The following TET3 variants were observed in gnomAD, a reference collection of about 807,000 sequenced individuals.
TET3 encodes the protein tet methylcytosine dioxygenase 3, also known as methylcytosine dioxygenase TET3.
A neutral mutation model predicts 141.4 loss-of-function variants in TET3; 19 were observed. The observed-to-expected ratio is 0.13, with a 90% CI of 0.09 to 0.20. The LOEUF is 0.20. Among genes scored for constraint, TET3 ranks in the 10% least tolerant of loss-of-function variants. The pLI, the probability that TET3 is intolerant of heterozygous loss-of-function variation, is 1.00. For missense variants in TET3, 1,874 were observed against 2,356.9 expected (o/e 0.80, Z 4.24); for synonymous variants, 1,043 against 980.9 (o/e 1.06, Z -1.18).
chr2:74,068,254 ATTC>A (rs1394962020), intron 4 of TET3, among the ~76,000 whole-genome samples: 1 of 151,670 alleles, frequency 6.6e-6, no homozygotes, highest in Non-Finnish European at 1.5e-5. Context: ...TTACTCTGCT[ATTC>A]TTAGAGTTCG....
rs1428781868 is a variant in TET3, at chr2:74,101,648, A to C, written c.4860A>C (p.Gly1620=). ...EGPAEEPPSK[G]AVKEEKGGGG... ...CGGCTGAGGAGCCCCCCAGCAAGGGAGCGGTGAAGGAGGAGAAGGGCGGTG... is the reference window on the plus strand; with the variant it reads ...CGGCTGAGGAGCCCCCCAGCAAGGGCGCGGTGAAGGAGGAGAAGGGCGGTG... The change falls in exon 12 of 12, where the codon GGA becomes GGC. Residue 1620 remains glycine, a synonymous_variant. Transcript: ENST00000409262. The surrounding 1 kb of genome is among the most constrained non-coding windows in gnomAD (Gnocchi z 8.5). The C allele has an allele frequency of 6.2e-7, 1 of 1,613,588 alleles. No individual in the cohort carries two copies. The highest frequency in any genetic ancestry group is 2.2e-5 in the East Asian group (1 of 44,856).
At chr2:74,057,966 G>GA (rs994749778) in intron 4 of TET3, among the ~76,000 whole-genome samples, 7 of 152,166 alleles carry the variant, frequency 4.6e-5, no homozygotes, top group African/African-American at 1.7e-4. Context: ...ATTTACATGA[G>GA]AAAATACAGG....
At chr2:73,992,442 T>A (rs1288414480) in intron 2 of TET3, among the ~76,000 whole-genome samples, 1 of 151,880 alleles carries the variant, frequency 6.6e-6, no homozygotes, top group Non-Finnish European at 1.5e-5. Flanking sequence ...GCCTCCCGAG[T>A]AGCTGGGATT....
Position 74,093,686 on chromosome 2 carries a change from T to C in TET3, c.3267+20T>C. ...ACCGTGGTAAGCCTGTGCCCTGTCA[T>C]AGCCCCACCTGTGGGGCAACTGTGG... On this transcript the variant is annotated intron_variant, in intron 10 of 11. Coordinates refer to ENST00000409262, the MANE Select transcript of TET3 (RefSeq NM_001287491.2). The surrounding 1 kb of genome is among the most constrained non-coding windows in gnomAD (Gnocchi z 4.2). 1 of 1,558,382 alleles carries C rather than the reference T, an allele frequency of 6.4e-7. No homozygotes were observed. The highest frequency in any genetic ancestry group is 2.4e-5 in the East Asian group (1 of 42,272).
chr2:74,076,966 T>G (rs985086718), intron 5 of TET3, among the ~76,000 whole-genome samples: 1 of 152,232 alleles, frequency 6.6e-6, no homozygotes, highest in Non-Finnish European at 1.5e-5. Flanking sequence ...TGTCATACTT[T>G]GTGGGTACCT....
At chr2:74,067,107 T>TC (rs1313650223) in intron 4 of TET3, among the ~76,000 whole-genome samples, 6 of 150,378 alleles carry the variant, frequency 4.0e-5, no homozygotes, top group Non-Finnish European at 5.9e-5. Context: ...CCCTCCCCAC[T>TC]CCCCCCTGCT....
intron 4 of TET3, among the ~76,000 whole-genome samples, chr2:74,061,408 A>C (rs1257277502): frequency 2.3e-4 from 21 of 92,620 alleles, no homozygotes; most frequent in South Asian, 8.1e-4. Flanking sequence ...GGCGGCTGGC[A>C]GGGCGGGGGG....
chr2:73,993,477 C>G (rs1051547505), intron 2 of TET3: 1 of 152,222 alleles, frequency 6.6e-6, no homozygotes, highest in Non-Finnish European at 1.5e-5. Context: ...TACAACATCT[C>G]TATGACCAGA....
At position 74,102,005 on chromosome 2, in the gene TET3, C is replaced by T. The variant is rs1235319156; in HGVS notation, c.5217C>T (p.Leu1739=). The T allele has an allele frequency of 1.9e-6, 3 of 1,591,020 alleles. No homozygotes were observed. Among genetic ancestry groups the T allele is most frequent in the East Asian group, 4.5e-5 (2 of 44,412 alleles). The change falls in exon 12 of 12, where the codon CTC becomes CTT. Residue 1739 remains leucine, a synonymous_variant. Coordinates refer to ENST00000409262, the MANE Select transcript of TET3 (RefSeq NM_001287491.2). The part of the protein sequence containing the change: ...RLGLGQQEAK[L]YGKKRKWGGT... ...GCCTGGGCCAGCAGGAGGCCAAGCT[C>T]TACGGGAAGAAGCGCAAGTGGGGGG...
chr2:74,010,459 A>C (rs981319206), intron 3 of TET3, among the ~76,000 whole-genome samples: 2 of 152,206 alleles, frequency 1.3e-5, no homozygotes, highest in South Asian at 2.1e-4. Context: ...CCATGCTTCA[A>C]CTTGCCAAGA....
At chr2:74,094,801 T>C (rs563415334) in intron 10 of TET3, among the ~76,000 whole-genome samples, 1 of 152,122 alleles carries the variant, frequency 6.6e-6, no homozygotes, top group Non-Finnish European at 1.5e-5. Flanking sequence ...GGGTGAGTGT[T>C]GGTAACATGG....
chr2:73,985,360 AAG>A (rs1487431953), intron 1 of TET3, among the ~76,000 whole-genome samples: 4 of 141,712 alleles, frequency 2.8e-5, no homozygotes, highest in African/African-American at 1.0e-4. Flanking sequence ...GGGGGCTGCG[AAG>A]CCGCCGGAGC....
At chr2:74,135,243 A>C in the TET3 span, 1 of 392,444 alleles carries the variant, frequency 2.5e-6, no homozygotes, top group East Asian at 4.6e-5. Flanking sequence ...TGTTTCAGTA[A>C]GATGAAGAGG....
At chr2:74,065,694 TC>T in intron 4 of TET3, among the ~76,000 whole-genome samples, 1 of 151,596 alleles carries the variant, frequency 6.6e-6, no homozygotes, top group Non-Finnish European at 1.5e-5. Context: ...TTTTCTTCTT[TC>T]TTTTTCTTTC....
Position 74,046,441 on chromosome 2 carries a change from G to A in TET3, c.524G>A (p.Arg175Gln), listed in dbSNP as rs370281721. 36 of 1,602,316 alleles carry A rather than the reference G, an allele frequency of 2.2e-5. No individual in the cohort carries two copies. Among genetic ancestry groups the A allele is most frequent in the South Asian group, 4.5e-5 (4 of 88,908 alleles). ...PSLLGTGGPW[R>Q]VDQKPDWEAA... ...CTGCTGGGGACTGGGGGTCCTTGGC[G>A]GGTAGACCAAAAGCCCGACTGGGAG... is the stretch of plus-strand genomic sequence containing the variant. Residue 175 changes from arginine (R) to glutamine (Q), a missense_variant, in exon 4 of 12, where the codon CGG (arginine) becomes CAG (glutamine). This residue lies in a region of TET3 where 366 missense variants were observed against 487.0 expected (regional missense o/e 0.75). Coordinates refer to ENST00000409262, the MANE Select transcript of TET3 (RefSeq NM_001287491.2). The surrounding 1 kb of genome is among the most constrained non-coding windows in gnomAD (Gnocchi z 4.3).
intron 3 of TET3, among the ~76,000 whole-genome samples, chr2:74,012,203 C>A (rs1436007191): frequency 6.6e-6 from 1 of 152,126 alleles, no homozygotes; most frequent in Non-Finnish European, 1.5e-5. Context: ...TCAAGGGATC[C>A]CACCCCTCCT....
chr2:74,077,160 G>T (rs1689558212), intron 5 of TET3, among the ~76,000 whole-genome samples: 1 of 152,206 alleles, frequency 6.6e-6, no homozygotes, highest in African/African-American at 2.4e-5. Context: ...AGATTTGGGG[G>T]AACTGGTCTC....
the TET3 span, among the ~76,000 whole-genome samples, chr2:74,116,374 G>A: frequency 0.016 from 2,395 of 152,180 alleles, 50 homozygotes; most frequent in East Asian, 0.088. Flanking sequence ...CCCCAGGAAA[G>A]GAAATCATTA....
At chr2:73,985,579 G>T (rs1683980475) in intron 1 of TET3, among the ~76,000 whole-genome samples, 1 of 150,444 alleles carries the variant, frequency 6.6e-6, no homozygotes, top group African/African-American at 2.4e-5. Flanking sequence ...TTCCGTGCCG[G>T]GGGCGCCGGG....
Sources: gnomAD v4.1 joint callset for allele counts (sites outside exome capture counted in the v4.1 genomes callset) on GRCh38, gnomAD v4.1.1 for gene constraint, gnomAD v4.1.1 regional missense constraint, Gnocchi (gnomAD v3.1) non-coding constraint, MANE v1.5 for transcripts, NCBI Gene and HGNC (gene_info 2026-07-23, HGNC 2026-07-21) for gene names.